The following SLC9D1 variants were observed in gnomAD, a reference collection of about 807,000 sequenced individuals.
SLC9D1 encodes solute carrier family 9 member D1.
chr13:113,536,839 T>C, the SLC9D1 span, among the ~76,000 whole-genome samples: 3 of 152,272 alleles, frequency 2.0e-5, no homozygotes, highest in South Asian at 4.1e-4. Flanking sequence ...CCTGTGGAGG[T>C]AGGGTTGCAG....
chr13:113,535,195 G>A, the SLC9D1 span: 3 of 152,230 alleles, frequency 2.0e-5, no homozygotes, highest in African/African-American at 7.2e-5. This position sits in a 1 kb window ranked among gnomAD's most constrained non-coding sequence, Gnocchi z 4.1. Flanking sequence ...ATTAAGTTTG[G>A]AAAAACAGTT....
chr13:113,517,832 C>G, the SLC9D1 span, among the ~76,000 whole-genome samples: 1 of 150,724 alleles, frequency 6.6e-6, no homozygotes, highest in Non-Finnish European at 1.5e-5. Flanking sequence ...AGGGGCCCCA[C>G]AGCACGGGGT....
At chr13:113,495,175 G>A in the SLC9D1 span, among the ~76,000 whole-genome samples, 1 of 152,170 alleles carries the variant, frequency 6.6e-6, no homozygotes, top group African/African-American at 2.4e-5. Context: ...CTCTTAAATA[G>A]ACTTGGTTAA....
At chr13:113,534,225 C>G in the SLC9D1 span, 1 of 1,612,824 alleles carries the variant, frequency 6.2e-7, no homozygotes, top group African/African-American at 1.3e-5. Flanking sequence ...CTGCCTTTAT[C>G]TTCTTAATGT....
At chr13:113,495,013 C>T in the SLC9D1 span, among the ~76,000 whole-genome samples, 4 of 152,106 alleles carry the variant, frequency 2.6e-5, no homozygotes, top group Non-Finnish European at 4.4e-5. Context: ...TACAGGCGTG[C>T]GCCACCAGGC....
chr13:113,510,450 G>A, the SLC9D1 span: 114 of 1,597,866 alleles, frequency 7.1e-5, no homozygotes, highest in African/African-American at 8.6e-4. Context: ...TTCTGAGTGC[G>A]TGTCTAATTC....
At chr13:113,535,716 G>A in the SLC9D1 span, among the ~76,000 whole-genome samples, 3 of 152,092 alleles carry the variant, frequency 2.0e-5, no homozygotes, top group Non-Finnish European at 4.4e-5. The surrounding 1 kb of genome is among the most constrained non-coding windows in gnomAD (Gnocchi z 4.1). Flanking sequence ...TCACATTTAT[G>A]AGGCGAGAAG....
the SLC9D1 span, among the ~76,000 whole-genome samples, chr13:113,515,890 CAAAA>C: frequency 8.6e-4 from 68 of 79,078 alleles, no homozygotes; most frequent in African/African-American, 3.0e-3. Flanking sequence ...GACTCCGTCC[CAAAA>C]AAAAAAAAAA....
the SLC9D1 span, among the ~76,000 whole-genome samples, chr13:113,531,676 G>T: frequency 6.6e-6 from 1 of 152,130 alleles, no homozygotes; most frequent in Admixed American, 6.5e-5. Context: ...ACCTGCAGGT[G>T]ACACGGCGCC....
the SLC9D1 span, among the ~76,000 whole-genome samples, chr13:113,547,846 G>A: frequency 1.3e-5 from 2 of 152,014 alleles, no homozygotes; most frequent in South Asian, 2.1e-4. Context: ...GGTCATTTCC[G>A]TTTTAAGGAG....
At chr13:113,498,596 T>C in the SLC9D1 span, 2 of 1,198,796 alleles carry the variant, frequency 1.7e-6, no homozygotes, top group Non-Finnish European at 2.3e-6. Flanking sequence ...TTGAAATTGT[T>C]CACGTGTATG....
chr13:113,539,314 G>A, the SLC9D1 span: 1 of 1,596,720 alleles, frequency 6.3e-7, no homozygotes, highest in Non-Finnish European at 8.5e-7. The surrounding 1 kb of genome is among the most constrained non-coding windows in gnomAD (Gnocchi z 4.8). Flanking sequence ...TGACCCTGGT[G>A]CACTGTGGGG....
At chr13:113,515,779 C>T in the SLC9D1 span, among the ~76,000 whole-genome samples, 1 of 150,738 alleles carries the variant, frequency 6.6e-6, no homozygotes, top group African/African-American at 2.4e-5. Context: ...TAGTCCCAGC[C>T]ACTCAAGAGG....
chr13:113,521,159 G>A, the SLC9D1 span, among the ~76,000 whole-genome samples: 7 of 151,846 alleles, frequency 4.6e-5, no homozygotes, highest in African/African-American at 1.7e-4. Flanking sequence ...GTGTGCTTAC[G>A]TGGTATGTGT....
the SLC9D1 span, among the ~76,000 whole-genome samples, chr13:113,523,561 G>C: frequency 1.3e-5 from 2 of 152,122 alleles, no homozygotes; most frequent in East Asian, 1.9e-4. Context: ...TTTGGCAATT[G>C]TATTAATCTT....
chr13:113,531,865 G>GGGA, the SLC9D1 span, among the ~76,000 whole-genome samples: 1 of 152,256 alleles, frequency 6.6e-6, no homozygotes, highest in Non-Finnish European at 1.5e-5. Flanking sequence ...TGGACACTGT[G>GGGA]GGAGTCTTCT....
the SLC9D1 span, chr13:113,495,864 A>G: frequency 3.1e-6 from 5 of 1,614,214 alleles, no homozygotes; most frequent in Non-Finnish European, 4.2e-6. Flanking sequence ...TCAGGTGCAC[A>G]CGTTTGAAAT....
the SLC9D1 span, among the ~76,000 whole-genome samples, chr13:113,506,877 G>A: frequency 8.5e-5 from 13 of 152,262 alleles, no homozygotes; most frequent in East Asian, 9.6e-4. Context: ...GCCTGCTGTC[G>A]TCTAATGGTG....
chr13:113,535,252 T>C, the SLC9D1 span: 1 of 152,230 alleles, frequency 6.6e-6, no homozygotes, highest in African/African-American at 2.4e-5. The surrounding 1 kb of genome is among the most constrained non-coding windows in gnomAD (Gnocchi z 4.1). Context: ...AGTTCTGCCA[T>C]GTGAAAGGTT....
Sources: gnomAD v4.1 joint callset for allele counts (sites outside exome capture counted in the v4.1 genomes callset) on GRCh38, gnomAD v4.1.1 for gene constraint, Gnocchi (gnomAD v3.1) non-coding constraint, MANE v1.5 for transcripts, NCBI Gene and HGNC (gene_info 2026-07-23, HGNC 2026-07-21) for gene names.